FAM13B: variants seen among roughly 807,000 people sequenced by gnomAD.
FAM13B encodes the protein family with sequence similarity 13 member B.
Under a neutral mutation model 117.3 loss-of-function variants are expected in FAM13B, and 60 were observed. That is an observed-to-expected ratio of 0.51 (90% CI 0.42 to 0.63). The LOEUF is 0.63. Among genes scored for constraint, FAM13B ranks in the 30% least tolerant of loss-of-function variants. The pLI, the probability that FAM13B is intolerant of heterozygous loss-of-function variation, is 0.00. For synonymous variants in FAM13B, 332 were observed against 356.1 expected (o/e 0.93, Z 0.76); for missense variants, 972 against 1,091.9 (o/e 0.89, Z 1.55).
chr5:137,982,924 C>T (rs1350942514), intron 10 of FAM13B, among the ~76,000 whole-genome samples: 1 of 151,958 alleles, frequency 6.6e-6, no homozygotes, highest in Non-Finnish European at 1.5e-5. Flanking sequence ...TAAAAATATA[C>T]CAGTGGAAAT....
intron 18 of FAM13B, 33 bp from the exon 19 acceptor site, chr5:137,946,344 A>C: frequency 7.7e-7 from 1 of 1,301,588 alleles, no homozygotes; most frequent in South Asian, 1.4e-5. Flanking sequence ...ACAAAATACA[A>C]AAAAAAAAAA....
chr5:138,018,640 T>A, intron 3 of FAM13B, 126 bp from the exon 4 acceptor site: 1 of 799,240 alleles, frequency 1.3e-6, no homozygotes, highest in South Asian at 1.7e-5. Context: ...CCCTGACTTG[T>A]CTAAAAACCT....
In FAM13B at chr5:137,957,408, C is replaced by A. The variant is rs1766883982; in HGVS notation, c.1442-866G>T. On this transcript the variant is annotated intron_variant, in intron 13 of 23. Transcript: ENST00000689681. ...ATACAAAATTAGCCGGGTGTAGTGG[C>A]ACATGTCTGTAATCCCAGCTACTCA... 3.3e-5 allele frequency among the ~76,000 whole-genome samples: 5 copies of A among 151,910 alleles called. No homozygotes were observed. In the South Asian group the frequency reaches 1.0e-3, roughly 32 times the overall value.
chr5:138,025,305 AT>A (rs1398193046), intron 1 of FAM13B, among the ~76,000 whole-genome samples: 1 of 61,054 alleles, frequency 1.6e-5, no homozygotes, highest in African/African-American at 4.1e-5. Flanking sequence ...ATATATATAT[AT>A]ATATGTATTT....
At chr5:138,009,322 G>C (rs1783349478) in intron 6 of FAM13B, among the ~76,000 whole-genome samples, 1 of 152,072 alleles carries the variant, frequency 6.6e-6, no homozygotes, top group Non-Finnish European at 1.5e-5. Flanking sequence ...TTAACTGAGA[G>C]GTAAGATTTC....
chr5:138,043,799 C>A (rs929006998), intron 1 of FAM13B, among the ~76,000 whole-genome samples: 2 of 151,600 alleles, frequency 1.3e-5, no homozygotes, highest in Non-Finnish European at 2.9e-5. Context: ...TGGTCTCAAA[C>A]TCCTGGGCTC....
At chr5:137,958,849 A>G (rs1350780414) in intron 13 of FAM13B, among the ~76,000 whole-genome samples, 3 of 152,222 alleles carry the variant, frequency 2.0e-5, no homozygotes, top group Non-Finnish European at 4.4e-5. Context: ...TATAACATTT[A>G]TCCATCCCAT....
intron 7 of FAM13B, among the ~76,000 whole-genome samples, chr5:137,989,094 C>G (rs1438355027): frequency 6.6e-6 from 1 of 152,234 alleles, no homozygotes; most frequent in African/African-American, 2.4e-5. Flanking sequence ...CACATCATCA[C>G]AGCCAACACT....
At chr5:137,992,289 A>C (rs1423227738) in intron 7 of FAM13B, among the ~76,000 whole-genome samples, 1 of 150,856 alleles carries the variant, frequency 6.6e-6, no homozygotes, top group Non-Finnish European at 1.5e-5. Flanking sequence ...AAGTCTCCTG[A>C]CAAAGAATTG....
intron 7 of FAM13B, among the ~76,000 whole-genome samples, chr5:138,005,438 G>GA (rs1457011702): frequency 7.2e-6 from 1 of 139,500 alleles, no homozygotes; most frequent in African/African-American, 2.6e-5. Flanking sequence ...TTAGAAGGAG[G>GA]AAAAAAGGGC....
chr5:137,964,171 C>T (rs1041294359), intron 10 of FAM13B, among the ~76,000 whole-genome samples: 1 of 152,142 alleles, frequency 6.6e-6, no homozygotes, highest in Non-Finnish European at 1.5e-5. Flanking sequence ...GATTCTCCTG[C>T]CTCAGCCTCC....
chr5:137,985,432 T>A (rs1365375230), intron 9 of FAM13B, 43 bp from the exon 10 acceptor site: 1 of 1,582,234 alleles, frequency 6.3e-7, no homozygotes. Flanking sequence ...AAATGTTGAG[T>A]GTGTAATGCC....
chr5:137,979,194 G>A (rs1196091477), intron 10 of FAM13B, among the ~76,000 whole-genome samples: 1 of 151,954 alleles, frequency 6.6e-6, no homozygotes, highest in Non-Finnish European at 1.5e-5. Context: ...TGTATTTTTA[G>A]TAGAGATGCG....
intron 9 of FAM13B, among the ~76,000 whole-genome samples, chr5:137,986,472 C>T (rs1777276028): frequency 2.1e-5 from 3 of 146,056 alleles, no homozygotes; most frequent in Admixed American, 6.9e-5. Context: ...GAAATCACTG[C>T]ACCACGGTCT....
intron 10 of FAM13B, among the ~76,000 whole-genome samples, chr5:137,972,568 C>G (rs1342687831): frequency 1.3e-5 from 2 of 151,982 alleles, no homozygotes; most frequent in Non-Finnish European, 2.9e-5. Context: ...GATGCCCTCT[C>G]TCACCACTCC....
At chr5:137,990,706 G>C (rs780218837) in intron 7 of FAM13B, among the ~76,000 whole-genome samples, 9 of 152,054 alleles carry the variant, frequency 5.9e-5, no homozygotes, top group African/African-American at 9.7e-5. Context: ...TCAAGTCCCA[G>C]CTACTCAGGA....
At chr5:138,021,699 A>G (rs1370211514) in intron 1 of FAM13B, among the ~76,000 whole-genome samples, 2 of 152,248 alleles carry the variant, frequency 1.3e-5, no homozygotes, top group South Asian at 4.1e-4. Context: ...ATATGTTGGA[A>G]AAGAGCAAAA....
intron 17 of FAM13B, among the ~76,000 whole-genome samples, chr5:137,951,018 G>C (rs893588409): frequency 1.4e-4 from 21 of 152,040 alleles, no homozygotes; most frequent in Non-Finnish European, 4.4e-5. Context: ...GACCAGCCTG[G>C]GCAACATGGT....
At chr5:137,979,045 C>T (rs1774867321) in intron 10 of FAM13B, among the ~76,000 whole-genome samples, 1 of 146,948 alleles carries the variant, frequency 6.8e-6, no homozygotes, top group Admixed American at 6.8e-5. Flanking sequence ...CAGGGTCTTA[C>T]TCTTTCACCC....
Sources: gnomAD v4.1 joint callset for allele counts (sites outside exome capture counted in the v4.1 genomes callset) on GRCh38, gnomAD v4.1.1 for gene constraint, MANE v1.5 for transcripts, NCBI Gene and HGNC (gene_info 2026-07-23, HGNC 2026-07-21) for gene names.